FERRY3: variants seen among roughly 807,000 people sequenced by gnomAD.
FERRY3 encodes protein C12orf4.
chr12:4,515,437 C>A, the FERRY3 span, among the ~76,000 whole-genome samples: 1 of 152,216 alleles, frequency 6.6e-6, no homozygotes, highest in Admixed American at 6.5e-5. Flanking sequence ...CATACACAAA[C>A]AGACACACAA....
the FERRY3 span, among the ~76,000 whole-genome samples, chr12:4,536,981 G>T: frequency 1.3e-5 from 2 of 152,016 alleles, no homozygotes; most frequent in Non-Finnish European, 2.9e-5. Flanking sequence ...TTGTTCATCC[G>T]CTTAAAAACT....
the FERRY3 span, among the ~76,000 whole-genome samples, chr12:4,515,607 T>C: frequency 1.3e-5 from 2 of 152,122 alleles, no homozygotes; most frequent in African/African-American, 2.4e-5. Flanking sequence ...CCTAAAATAG[T>C]TGAACTCACA....
chr12:4,526,711 G>A, the FERRY3 span, among the ~76,000 whole-genome samples: 4 of 151,836 alleles, frequency 2.6e-5, no homozygotes, highest in Non-Finnish European at 4.4e-5. Flanking sequence ...GCATGGTAGC[G>A]GGCGCCTGTA....
chr12:4,533,487 T>C, the FERRY3 span, among the ~76,000 whole-genome samples: 1 of 152,192 alleles, frequency 6.6e-6, no homozygotes, highest in South Asian at 2.1e-4. Flanking sequence ...ACTTGATAAA[T>C]ACAATGGATA....
the FERRY3 span, among the ~76,000 whole-genome samples, chr12:4,495,178 G>T: frequency 6.6e-6 from 1 of 151,904 alleles, no homozygotes; most frequent in African/African-American, 2.4e-5. Flanking sequence ...TCTCATTCAC[G>T]GCATCTAATT....
chr12:4,536,440 GA>G, the FERRY3 span, among the ~76,000 whole-genome samples: 1 of 149,690 alleles, frequency 6.7e-6, no homozygotes, highest in Non-Finnish European at 1.5e-5. Context: ...CTTGATTTAA[GA>G]AAAAAAATTA....
chr12:4,537,834 T>C, the FERRY3 span, among the ~76,000 whole-genome samples: 2 of 152,164 alleles, frequency 1.3e-5, no homozygotes, highest in Admixed American at 1.3e-4. Context: ...CATTCCTAAG[T>C]ATATATCCAA....
the FERRY3 span, among the ~76,000 whole-genome samples, chr12:4,517,808 T>C: frequency 1.3e-5 from 2 of 151,520 alleles, no homozygotes; most frequent in Non-Finnish European, 2.9e-5. Flanking sequence ...ATTGCTCTTT[T>C]TGTTTTACCT....
the FERRY3 span, among the ~76,000 whole-genome samples, chr12:4,503,365 T>C: frequency 6.6e-6 from 1 of 152,214 alleles, no homozygotes; most frequent in Non-Finnish European, 1.5e-5. Context: ...TGTTACTTAG[T>C]GTATGAGATG....
chr12:4,491,910 G>T, the FERRY3 span, among the ~76,000 whole-genome samples: 2 of 152,100 alleles, frequency 1.3e-5, no homozygotes, highest in Admixed American at 1.3e-4. Flanking sequence ...CGGGTCTCAG[G>T]ATCTTTTGCA....
chr12:4,502,623 C>T, the FERRY3 span: 3 of 313,702 alleles, frequency 9.6e-6, no homozygotes, highest in African/African-American at 4.5e-5. The surrounding 1 kb of genome is among the most constrained non-coding windows in gnomAD (Gnocchi z 4.2). Context: ...TTTGCCCTCA[C>T]AAATTCTGCT....
At chr12:4,491,398 C>T in the FERRY3 span, among the ~76,000 whole-genome samples, 1 of 152,152 alleles carries the variant, frequency 6.6e-6, no homozygotes, top group Non-Finnish European at 1.5e-5. Flanking sequence ...CATGCAGCTT[C>T]TTCCAGCTGT....
the FERRY3 span, among the ~76,000 whole-genome samples, chr12:4,506,454 T>A: frequency 6.6e-6 from 1 of 152,166 alleles, no homozygotes; most frequent in Non-Finnish European, 1.5e-5. Context: ...GTCAGAGAGA[T>A]AGAAGGCTTT....
chr12:4,505,686 A>G, the FERRY3 span, among the ~76,000 whole-genome samples: 1 of 152,228 alleles, frequency 6.6e-6, no homozygotes, highest in Non-Finnish European at 1.5e-5. Context: ...TTTAATTCAC[A>G]TACTCAGATT....
At chr12:4,513,730 T>C in the FERRY3 span, among the ~76,000 whole-genome samples, 46 of 152,294 alleles carry the variant, frequency 3.0e-4, no homozygotes, top group Non-Finnish European at 5.1e-4. Context: ...TTACACCTTA[T>C]ATAAAAATCA....
At chr12:4,518,425 C>CA in the FERRY3 span, among the ~76,000 whole-genome samples, 2 of 151,946 alleles carry the variant, frequency 1.3e-5, no homozygotes, top group East Asian at 3.8e-4. Context: ...AATCTATCTG[C>CA]AAAAAACATT....
At chr12:4,491,686 CTA>C in the FERRY3 span, among the ~76,000 whole-genome samples, 259 of 152,250 alleles carry the variant, frequency 1.7e-3, 1 homozygote, top group African/African-American at 5.9e-3. Context: ...ATTCATTTTT[CTA>C]TGTTACTTTC....
the FERRY3 span, among the ~76,000 whole-genome samples, chr12:4,515,400 T>C: frequency 6.6e-6 from 1 of 152,154 alleles, no homozygotes; most frequent in Non-Finnish European, 1.5e-5. Context: ...ATAATCAAGA[T>C]ACTAAAAACA....
chr12:4,533,954 T>A, the FERRY3 span: 1 of 426,876 alleles, frequency 2.3e-6, no homozygotes, highest in East Asian at 3.8e-5. Context: ...CCTCTTGTTT[T>A]ACAAAGGTAT....
Sources: allele counts gnomAD v4.1 joint callset (sites outside exome capture counted in the v4.1 genomes callset), GRCh38; gene constraint gnomAD v4.1.1; non-coding constraint Gnocchi (gnomAD v3.1); transcripts MANE v1.5; gene names NCBI Gene and HGNC (gene_info 2026-07-23, HGNC 2026-07-21).